Variants in METTL2A observed in about 807,000 individuals in gnomAD.
METTL2A encodes the protein tRNA N(3)-cytidine methyltransferase METTL2A.
A neutral mutation model predicts 49.4 loss-of-function variants in METTL2A; 45 were observed. The observed-to-expected ratio is 0.91, with a 90% CI of 0.72 to 1.17. The LOEUF (loss-of-function observed/expected upper bound fraction) is 1.17, where lower values mean the gene tolerates loss of function less well. METTL2A is among the 50% of genes most tolerant of loss of function. The pLI, the probability that METTL2A is intolerant of heterozygous loss-of-function variation, is 0.00. For synonymous variants in METTL2A, 118 were observed against 167.5 expected, an observed-to-expected ratio of 0.70 and a Z score of 2.28; for missense variants, 361 against 462.2, an observed-to-expected ratio of 0.78 and a Z score of 2.01.
intron 4 of METTL2A, among the ~76,000 whole-genome samples, chr17:62,429,178 A>C (rs897799213): frequency 1.3e-5 from 2 of 152,188 alleles, no homozygotes; most frequent in Non-Finnish European, 2.9e-5. Flanking sequence ...CATAATCTGC[A>C]TTTCTATTCA....
chr17:62,429,321 T>G (rs2070649085), intron 4 of METTL2A, among the ~76,000 whole-genome samples: 1 of 152,116 alleles, frequency 6.6e-6, no homozygotes, highest in Non-Finnish European at 1.5e-5. Flanking sequence ...TACAGAGTCT[T>G]GCTTCATCAC....
At chr17:62,445,587 T>C (rs2070763178) in intron 7 of METTL2A, among the ~76,000 whole-genome samples, 1 of 152,110 alleles carries the variant, frequency 6.6e-6, no homozygotes, top group South Asian at 2.1e-4. Context: ...TCGCCTGAGT[T>C]CAAGAGTTCA....
At chr17:62,444,136 G>T in intron 6 of METTL2A, among the ~76,000 whole-genome samples, 1 of 152,168 alleles carries the variant, frequency 6.6e-6, no homozygotes, top group East Asian at 1.9e-4. Context: ...AAGAGCTCAG[G>T]TCTAATGATG....
chr17:62,445,965 G>A (rs1167551080), intron 7 of METTL2A, among the ~76,000 whole-genome samples: 3 of 152,150 alleles, frequency 2.0e-5, no homozygotes, highest in African/African-American at 7.2e-5. Flanking sequence ...TCATGAAACT[G>A]ATAAGGAAAA....
chr17:62,450,247 C>CATTTTTTTTTTTTTTTT lies in METTL2A; in HGVS notation c.*1518_*1519insATTTTTTTTTTTTTTTT, dbSNP rs1396756918. On this transcript the variant is annotated 3_prime_UTR_variant, in exon 9 of 9. Transcript: ENST00000311506. ...TGTGATCATTATCAGTGTTAGATGC[C>CATTTTTTTTTTTTTTTT]TTTTTTTTTTTTTTTTTTTTTTTTT... The CATTTTTTTTTTTTTTTT allele has an allele frequency of 8.7e-5, 7 of 80,540 alleles. No homozygotes were observed. Among genetic ancestry groups the CATTTTTTTTTTTTTTTT allele is most frequent in the African/African-American group, 6.3e-5 (1 of 15,966 alleles). 5.0% of individuals were successfully genotyped at this position (80,540 alleles called of 1,614,324 possible). A position where few individuals can be genotyped will look rare whatever the true frequency, so the allele number is the denominator to read the frequency against.
intron 1 of METTL2A, 70 bp from the exon 2 acceptor site, chr17:62,424,149 C>T (rs2070606306): frequency 1.2e-6 from 2 of 1,607,618 alleles, no homozygotes; most frequent in South Asian, 1.1e-5. Context: ...AGAGAAACTC[C>T]TAGGCCAGCG....
At chr17:62,444,990 G>T (rs1252870700) in intron 7 of METTL2A, 47 bp downstream of exon 7, 1 of 1,587,448 alleles carries the variant, frequency 6.3e-7, no homozygotes, top group Admixed American at 1.7e-5. Flanking sequence ...CATGTCCTTT[G>T]CAGGGACATG....
At chr17:62,440,097 C>T (rs2070728963) in intron 5 of METTL2A, among the ~76,000 whole-genome samples, 1 of 151,152 alleles carries the variant, frequency 6.6e-6, no homozygotes, top group Non-Finnish European at 1.5e-5. Context: ...GCAATCTCGG[C>T]TCACTGCAAC....
intron 6 of METTL2A, among the ~76,000 whole-genome samples, chr17:62,443,350 C>T (rs1196816658): frequency 2.0e-5 from 3 of 152,154 alleles, no homozygotes; most frequent in Non-Finnish European, 4.4e-5. Context: ...TGCACTGCAG[C>T]CTGGGTGACA....
intron 4 of METTL2A, among the ~76,000 whole-genome samples, chr17:62,431,603 C>A (rs2070665978): frequency 6.6e-6 from 1 of 152,038 alleles, no homozygotes; most frequent in Admixed American, 6.6e-5. Flanking sequence ...TCTGATAAAG[C>A]CTTAGGATCA....
intron 1 of METTL2A, 72 bp downstream of exon 1, chr17:62,424,084 C>A (rs1292907405): frequency 2.5e-6 from 4 of 1,585,398 alleles, no homozygotes; most frequent in Non-Finnish European, 3.4e-6. Context: ...CTCCGAAAAG[C>A]CCCTGACCGC....
chr17:62,443,232 T>G (rs2070748270), intron 6 of METTL2A, among the ~76,000 whole-genome samples: 1 of 151,928 alleles, frequency 6.6e-6, no homozygotes, highest in Non-Finnish European at 1.5e-5. Context: ...ATAAAAAAAT[T>G]TAGCCAGGTG....
chr17:62,449,193 C>T lies in METTL2A; in HGVS notation c.*464C>T, dbSNP rs2070789448. 1 of 264,134 alleles carries T rather than the reference C, an allele frequency of 3.8e-6. No homozygotes were observed. Among genetic ancestry groups the T allele is most frequent in the African/African-American group, 2.4e-5 (1 of 42,278 alleles). The allele number at this position is 264,134 out of a possible 1,614,324, so 16.4% of individuals were successfully genotyped here. On this transcript the variant is annotated 3_prime_UTR_variant, in exon 9 of 9. Coordinates refer to ENST00000311506, the MANE Select transcript of METTL2A (RefSeq NM_181725.4). ...CCATGTGAAAAAGTGTTACATATGACAAGTGTTTTTTGACTGTAATTGCGT... is the reference window on the plus strand; with the variant it reads ...CCATGTGAAAAAGTGTTACATATGATAAGTGTTTTTTGACTGTAATTGCGT...
At chr17:62,437,773 A>G (rs2070710740) in intron 5 of METTL2A, among the ~76,000 whole-genome samples, 1 of 152,100 alleles carries the variant, frequency 6.6e-6, no homozygotes. Context: ...GGAGTTCGAT[A>G]CCATCCTGAC....
At chr17:62,431,271 G>T (rs2070663476) in intron 4 of METTL2A, among the ~76,000 whole-genome samples, 1 of 152,158 alleles carries the variant, frequency 6.6e-6, no homozygotes, top group African/African-American at 2.4e-5. Flanking sequence ...AAAGTGCTGG[G>T]ATTACAGGCA....
Position 62,440,776 on chromosome 17 carries a change from C to G in METTL2A, c.809+20C>G, listed in dbSNP as rs773047934. ...AGACAAGTAAGTTTGGGTCCCTTGG[C>G]TGGTAGTGTCACAAAAAGGAAGCTT... is the stretch of plus-strand genomic sequence containing the variant. On this transcript the variant is annotated intron_variant, in intron 6 of 8. Coordinates refer to ENST00000311506, the MANE Select transcript of METTL2A (RefSeq NM_181725.4). 9.5e-5 allele frequency: 152 copies of G among 1,598,850 alleles called. 3 individuals are homozygous for G. The South Asian group carries it at 1.7e-3, about 18-fold the overall frequency.
chr17:62,429,464 T>C (rs2070650275), intron 4 of METTL2A, among the ~76,000 whole-genome samples: 1 of 151,942 alleles, frequency 6.6e-6, no homozygotes, highest in Admixed American at 6.6e-5. Flanking sequence ...CTAATTTTTA[T>C]ATTTTTAGTA....
intron 7 of METTL2A, among the ~76,000 whole-genome samples, chr17:62,447,472 G>C (rs919910960): frequency 1.3e-5 from 2 of 152,154 alleles, no homozygotes; most frequent in Admixed American, 6.6e-5. Flanking sequence ...GGGGTTGGGA[G>C]AGTGAACAAG....
intron 8 of METTL2A, 51 bp from the exon 9 acceptor site, chr17:62,448,524 G>A: frequency 1.2e-6 from 2 of 1,600,692 alleles, no homozygotes; most frequent in Non-Finnish European, 1.7e-6. Context: ...AGATAAAAAT[G>A]CCTTTTCTTG....
Sources: allele counts gnomAD v4.1 joint callset (sites outside exome capture counted in the v4.1 genomes callset), GRCh38; gene constraint gnomAD v4.1.1; transcripts MANE v1.5; gene names NCBI Gene and HGNC (gene_info 2026-07-23, HGNC 2026-07-21).